The following KDM2A variants were observed in gnomAD, a reference collection of about 807,000 sequenced individuals.
KDM2A encodes lysine demethylase 2A.
In KDM2A, 3 loss-of-function variants were observed where a neutral mutation model predicts 137.3. The observed-to-expected ratio is 0.02, with a 90% CI of 0.01 to 0.06. The LOEUF is 0.06. KDM2A is among the 10% of genes least tolerant of loss of function. KDM2A has a pLI of 1.00. For missense variants in KDM2A, 738 were observed against 1,510.6 expected (o/e 0.49, Z 8.48); for synonymous variants, 512 against 541.5 (o/e 0.95, Z 0.76).
At chr11:67,172,665 T>G (rs1856903547) in intron 2 of KDM2A, among the ~76,000 whole-genome samples, 1 of 150,972 alleles carries the variant, frequency 6.6e-6, no homozygotes, top group Admixed American at 6.6e-5. Context: ...CCTTATAGTT[T>G]TCTGTGTACA....
intron 2 of KDM2A, among the ~76,000 whole-genome samples, chr11:67,148,756 A>G (rs545076431): frequency 3.4e-4 from 52 of 152,220 alleles, no homozygotes; most frequent in African/African-American, 1.2e-3. Flanking sequence ...AGCTGAGATC[A>G]TGCCATTGCA....
At chr11:67,252,256 G>A (rs1020780252) in intron 17 of KDM2A, 10 of 191,764 alleles carry the variant, frequency 5.2e-5, no homozygotes, top group South Asian at 2.5e-4. Context: ...AGGCAGCTGC[G>A]AGTGATTGAC....
chr11:67,121,154 C>A (rs1011031215), intron 1 of KDM2A, 80 bp from the exon 2 acceptor site: 3 of 635,210 alleles, frequency 4.7e-6, no homozygotes, highest in Non-Finnish European at 8.4e-6. Context: ...TTAACACTTA[C>A]CTTAAATACT....
At chr11:67,177,940 C>T (rs1857005511) in intron 2 of KDM2A, among the ~76,000 whole-genome samples, 1 of 152,046 alleles carries the variant, frequency 6.6e-6, no homozygotes, top group Non-Finnish European at 1.5e-5. Context: ...TTTTTTAGTT[C>T]TACTGTAATC....
intron 10 of KDM2A, among the ~76,000 whole-genome samples, chr11:67,221,680 A>G (rs966004103): frequency 2.6e-5 from 4 of 152,220 alleles, no homozygotes; most frequent in Non-Finnish European, 4.4e-5. Context: ...AAGAGTAACA[A>G]AAGTACAGTT....
At chr11:67,141,233 T>A (rs918623189) in intron 2 of KDM2A, among the ~76,000 whole-genome samples, 1 of 152,110 alleles carries the variant, frequency 6.6e-6, no homozygotes, top group Non-Finnish European at 1.5e-5. Flanking sequence ...TTTTTCCATA[T>A]TGTTTTGGGG....
intron 15 of KDM2A, among the ~76,000 whole-genome samples, chr11:67,247,037 T>TTATATATATATA (rs59101290): frequency 5.4e-4 from 18 of 33,070 alleles, no homozygotes; most frequent in South Asian, 3.5e-3. Context: ...ATAAATTATT[T>TTATATATATATA]TATATATATA....
Position 67,245,184 on chromosome 11 carries a change from T to G in KDM2A, c.1564-5T>G. 1 of 1,612,144 alleles carries G rather than the reference T, an allele frequency of 6.2e-7. No homozygotes were observed. The highest frequency in any genetic ancestry group is 8.5e-7 in the Non-Finnish European group (1 of 1,178,576). On this transcript the variant is annotated splice_polypyrimidine_tract_variant and splice_region_variant and intron_variant, in intron 13 of 20. Transcript: ENST00000529006. The surrounding 1 kb of genome is among the most constrained non-coding windows in gnomAD (Gnocchi z 4.1). ...ATATTTGACCTCACTGCTTTCTCTTTCCAGCTTAAATTCCCCACTCGGCCA... is the reference window on the plus strand; with the variant it reads ...ATATTTGACCTCACTGCTTTCTCTTGCCAGCTTAAATTCCCCACTCGGCCA...
intron 2 of KDM2A, among the ~76,000 whole-genome samples, chr11:67,163,311 A>G (rs1277598820): frequency 6.6e-6 from 1 of 152,190 alleles, no homozygotes; most frequent in Non-Finnish European, 1.5e-5. Context: ...GTGGCAGGAT[A>G]CAGTTGTTGA....
intron 12 of KDM2A, among the ~76,000 whole-genome samples, chr11:67,238,506 TGTCCGGGAGAA>T (rs1215487806): frequency 6.6e-6 from 1 of 152,150 alleles, no homozygotes. Context: ...TAAGATACAG[TGTCCGGGAGAA>T]GTTTAGGGTT....
At chr11:67,190,886 A>G (rs1465457769) in intron 5 of KDM2A, among the ~76,000 whole-genome samples, 2 of 152,238 alleles carry the variant, frequency 1.3e-5, no homozygotes, top group African/African-American at 2.4e-5. Context: ...GAATAGAACT[A>G]TATTGTAGTT....
At chr11:67,236,958 A>G (rs147642228) in intron 12 of KDM2A, among the ~76,000 whole-genome samples, 137 of 152,310 alleles carry the variant, frequency 9.0e-4, no homozygotes, top group Non-Finnish European at 1.5e-3. Flanking sequence ...GAAATAGGAA[A>G]TAAGTGCAGT....
At chr11:67,136,782 G>A (rs1296706316) in intron 2 of KDM2A, among the ~76,000 whole-genome samples, 1 of 152,170 alleles carries the variant, frequency 6.6e-6, no homozygotes, top group Non-Finnish European at 1.5e-5. Flanking sequence ...ATTTAACCAT[G>A]TTCAGATACC....
chr11:67,173,957 C>T (rs573511692), intron 2 of KDM2A, among the ~76,000 whole-genome samples: 1 of 152,074 alleles, frequency 6.6e-6, no homozygotes, highest in South Asian at 2.1e-4. Flanking sequence ...GAAAGTGATC[C>T]TCCTACCCCA....
chr11:67,138,760 C>T (rs1186533395), intron 2 of KDM2A, among the ~76,000 whole-genome samples: 1 of 152,032 alleles, frequency 6.6e-6, no homozygotes, highest in East Asian at 1.9e-4. Context: ...TTGGATCCTA[C>T]CCCAAACGTA....
rs1859312898 is a variant in KDM2A, at chr11:67,248,389, A to G, written c.2055+19A>G. 6.4e-7 allele frequency: 1 copy of G among 1,554,302 alleles called. No individual in the cohort carries two copies. ...AGCCCAGGTAAAGGAACCTTATCAG[A>G]TTTGCACTGTGACAGAAAGGAGGCA... On this transcript the variant is annotated intron_variant, in intron 16 of 20. Transcript: ENST00000529006.
At chr11:67,230,799 A>C (rs1858688537) in intron 11 of KDM2A, among the ~76,000 whole-genome samples, 1 of 152,216 alleles carries the variant, frequency 6.6e-6, no homozygotes, top group Non-Finnish European at 1.5e-5. Flanking sequence ...TTATAAAAGA[A>C]AAGACTGGTG....
At chr11:67,213,486 T>C (rs1174373255) in intron 6 of KDM2A, among the ~76,000 whole-genome samples, 2 of 152,128 alleles carry the variant, frequency 1.3e-5, no homozygotes, top group African/African-American at 4.8e-5. Context: ...TGGCCGGGCA[T>C]GGTAGCTCAT....
chr11:67,199,468 C>T (rs1001067511), intron 5 of KDM2A, among the ~76,000 whole-genome samples: 2 of 152,166 alleles, frequency 1.3e-5, no homozygotes, highest in African/African-American at 4.8e-5. Context: ...CTCCAGTGAA[C>T]ATGGGGATAA....
Sources: allele counts gnomAD v4.1 joint callset (sites outside exome capture counted in the v4.1 genomes callset), GRCh38; gene constraint gnomAD v4.1.1; non-coding constraint Gnocchi (gnomAD v3.1); transcripts MANE v1.5; gene names NCBI Gene and HGNC (gene_info 2026-07-23, HGNC 2026-07-21).